VOPP1: variants seen among roughly 807,000 people sequenced by gnomAD.
The protein encoded by VOPP1 is VOPP1 WW domain binding protein.
Under a neutral mutation model 23.5 loss-of-function variants are expected in VOPP1, and 8 were observed. That is an observed-to-expected ratio of 0.34 (90% CI 0.20 to 0.61). VOPP1 has a LOEUF of 0.61. VOPP1 is among the 20% of genes least tolerant of loss of function. The pLI, the probability that VOPP1 is intolerant of heterozygous loss-of-function variation, is 0.78. For synonymous variants in VOPP1, 83 were observed against 97.3 expected, an observed-to-expected ratio of 0.85 and a Z score of 0.86; for missense variants, 174 against 238.1, an observed-to-expected ratio of 0.73 and a Z score of 1.77.
intron 1 of VOPP1, among the ~76,000 whole-genome samples, chr7:55,556,643 C>CT (rs879326969): frequency 2.0e-5 from 3 of 151,194 alleles, no homozygotes; most frequent in East Asian, 1.9e-4. Context: ...GGAACCCCCC[C>CT]CCAAAACACT....
At chr7:55,502,757 T>C (rs1425417548) in intron 2 of VOPP1, among the ~76,000 whole-genome samples, 1 of 152,218 alleles carries the variant, frequency 6.6e-6, no homozygotes, top group Non-Finnish European at 1.5e-5. Context: ...TCAAGTCAAA[T>C]ACTCCTACTG....
chr7:55,524,780 C>T (rs148520006), intron 1 of VOPP1, among the ~76,000 whole-genome samples: 1,661 of 152,210 alleles, frequency 0.011, 11 homozygotes, highest in Middle Eastern at 0.02. Context: ...GAGAGGCACA[C>T]GCCTGCCTGA....
intron 3 of VOPP1, 63 bp from the exon 4 acceptor site, chr7:55,492,481 C>T (rs1793653525): frequency 1.3e-6 from 2 of 1,532,324 alleles, no homozygotes; most frequent in Non-Finnish European, 1.8e-6. Context: ...CTTGGCCCTA[C>T]AGCTCAAAGG....
At chr7:55,448,561 G>C (rs1448898603) in intron 4 of VOPP1, among the ~76,000 whole-genome samples, 3 of 150,520 alleles carry the variant, frequency 2.0e-5, no homozygotes, top group East Asian at 2.0e-4. Context: ...GTTGGCAGGA[G>C]ATCTCAGCTC....
At chr7:55,449,751 G>A (rs941733707) in intron 4 of VOPP1, among the ~76,000 whole-genome samples, 1 of 152,022 alleles carries the variant, frequency 6.6e-6, no homozygotes, top group Non-Finnish European at 1.5e-5. Flanking sequence ...GCCTCCCGAG[G>A]GGACAGGAGC....
intron 2 of VOPP1, among the ~76,000 whole-genome samples, chr7:55,517,277 T>C (rs1795520067): frequency 6.6e-6 from 1 of 151,778 alleles, no homozygotes; most frequent in Non-Finnish European, 1.5e-5. Flanking sequence ...AATGTGATGT[T>C]GAAGATGCTT....
intron 1 of VOPP1, among the ~76,000 whole-genome samples, chr7:55,561,700 A>G (rs955035178): frequency 1.4e-3 from 6 of 4,252 alleles, no homozygotes; most frequent in East Asian, 0.12. Context: ...CTGTCTGGAA[A>G]AAAAAAAAAA....
intron 1 of VOPP1, among the ~76,000 whole-genome samples, chr7:55,570,468 A>G (rs1413979264): frequency 6.6e-6 from 1 of 152,114 alleles, no homozygotes; most frequent in African/African-American, 2.4e-5. Context: ...CATGATCTGA[A>G]CTCCTATTAA....
At chr7:55,460,512 A>G (rs1168993130) in intron 4 of VOPP1, among the ~76,000 whole-genome samples, 2 of 152,188 alleles carry the variant, frequency 1.3e-5, no homozygotes, top group African/African-American at 4.8e-5. Flanking sequence ...GAAGTCCCCA[A>G]CTATTATTGT....
intron 1 of VOPP1, among the ~76,000 whole-genome samples, chr7:55,526,403 A>C (rs1796194716): frequency 6.6e-6 from 1 of 152,242 alleles, no homozygotes; most frequent in South Asian, 2.1e-4. Context: ...CTCCACTAGT[A>C]ATCCTCATAG....
chr7:55,530,268 T>C (rs1257178604), intron 1 of VOPP1, among the ~76,000 whole-genome samples: 1 of 152,200 alleles, frequency 6.6e-6, no homozygotes, highest in East Asian at 1.9e-4. Context: ...TTATCTGTTT[T>C]TTGATATTAG....
intron 1 of VOPP1, among the ~76,000 whole-genome samples, chr7:55,564,299 C>T (rs1235938752): frequency 1.3e-5 from 2 of 151,752 alleles, no homozygotes; most frequent in Non-Finnish European, 2.9e-5. Flanking sequence ...CTCCTCTTCT[C>T]CCCACTCCCC....
chr7:55,437,749 CT>C (rs758969138), intron 4 of VOPP1, among the ~76,000 whole-genome samples: 7 of 152,148 alleles, frequency 4.6e-5, no homozygotes, highest in Non-Finnish European at 1.0e-4. Flanking sequence ...TTTCTTTCTT[CT>C]GTTTTACACC....
chr7:55,543,529 C>T (rs1327746130), intron 1 of VOPP1, among the ~76,000 whole-genome samples: 1 of 152,144 alleles, frequency 6.6e-6, no homozygotes, highest in African/African-American at 2.4e-5. Context: ...ACATTCCCAC[C>T]ACTAGTGTTT....
At chr7:55,544,606 G>A (rs935004672) in intron 1 of VOPP1, among the ~76,000 whole-genome samples, 1 of 152,246 alleles carries the variant, frequency 6.6e-6, no homozygotes, top group Non-Finnish European at 1.5e-5. Flanking sequence ...TGGTGTGGAA[G>A]AGTGGGGGTT....
chr7:55,515,395 C>T (rs1174982468), intron 2 of VOPP1, among the ~76,000 whole-genome samples: 1 of 152,202 alleles, frequency 6.6e-6, no homozygotes, highest in Non-Finnish European at 1.5e-5. Flanking sequence ...TTGTCCCCTG[C>T]AGCAGAGGTC....
chr7:55,521,631 G>A (rs973221036), intron 1 of VOPP1: 1 of 987,368 alleles, frequency 1.0e-6, no homozygotes, highest in Non-Finnish European at 1.2e-6. Context: ...CTCACGTGCA[G>A]GAAGAGAAAG....
intron 2 of VOPP1, among the ~76,000 whole-genome samples, chr7:55,507,296 G>A (rs1338993392): frequency 6.6e-6 from 1 of 152,208 alleles, no homozygotes; most frequent in Non-Finnish European, 1.5e-5. Context: ...GCAGGGCTGA[G>A]AACCAAAGAC....
intron 2 of VOPP1, among the ~76,000 whole-genome samples, chr7:55,503,916 T>G (rs1415607854): frequency 1.3e-5 from 2 of 152,228 alleles, no homozygotes; most frequent in Non-Finnish European, 2.9e-5. Context: ...AGCCTGAACT[T>G]AAGCACCACT....
Sources: gnomAD v4.1 joint callset for allele counts (sites outside exome capture counted in the v4.1 genomes callset) on GRCh38, gnomAD v4.1.1 for gene constraint, MANE v1.5 for transcripts, NCBI Gene and HGNC (gene_info 2026-07-23, HGNC 2026-07-21) for gene names.